ANKRD6: variants seen among roughly 807,000 people sequenced by gnomAD.
The protein encoded by ANKRD6 is ankyrin repeat domain 6.
Under a neutral mutation model 82.3 loss-of-function variants are expected in ANKRD6, and 56 were observed. That is an observed-to-expected ratio of 0.68 (90% CI 0.55 to 0.85). The LOEUF is 0.85. ANKRD6 is among the 40% of genes least tolerant of loss of function. ANKRD6 has a pLI of 0.00. For missense variants in ANKRD6, 852 were observed against 907.6 expected, an observed-to-expected ratio of 0.94 and a Z score of 0.79; for synonymous variants, 347 against 352.1, an observed-to-expected ratio of 0.99 and a Z score of 0.16.
intron 1 of ANKRD6, among the ~76,000 whole-genome samples, chr6:89,466,450 T>A (rs1244475974): frequency 6.6e-6 from 1 of 152,238 alleles, no homozygotes; most frequent in Non-Finnish European, 1.5e-5. Flanking sequence ...GAGAATTTGT[T>A]GTCTTGCCTT....
intron 13 of ANKRD6, among the ~76,000 whole-genome samples, chr6:89,625,283 GAA>G (rs879660007): frequency 7.1e-6 from 1 of 140,688 alleles, no homozygotes. Flanking sequence ...ACTCTGTCTA[GAA>G]AAAAAAAAAA....
At chr6:89,482,002 A>C (rs1028864478) in intron 1 of ANKRD6, among the ~76,000 whole-genome samples, 10 of 152,190 alleles carry the variant, frequency 6.6e-5, no homozygotes, top group African/African-American at 2.2e-4. Context: ...TCCAGGAGGA[A>C]AGATTTTTAC....
chr6:89,518,615 C>T (rs568632884), intron 1 of ANKRD6, among the ~76,000 whole-genome samples: 1 of 151,680 alleles, frequency 6.6e-6, no homozygotes, highest in African/African-American at 2.4e-5. Context: ...GCAGACAGAT[C>T]AGCTCACACA....
chr6:89,511,749 C>G (rs1035617751), intron 1 of ANKRD6, among the ~76,000 whole-genome samples: 3 of 152,064 alleles, frequency 2.0e-5, no homozygotes, highest in African/African-American at 7.2e-5. Context: ...TCACTATTCC[C>G]TAGGGAACAA....
intron 1 of ANKRD6, among the ~76,000 whole-genome samples, chr6:89,469,116 T>G (rs939413634): frequency 1.3e-5 from 2 of 152,226 alleles, no homozygotes; most frequent in African/African-American, 4.8e-5. Flanking sequence ...TATAAAAATG[T>G]GGTAGTTGAG....
At position 89,625,888 on chromosome 6, in the gene ANKRD6, A is replaced by G. The variant is rs917903641; in HGVS notation, c.1371+1197A>G. 3.3e-5 allele frequency among the ~76,000 whole-genome samples: 5 copies of G among 152,116 alleles called. No homozygotes were observed. The East Asian group carries it at 5.8e-4, about 18-fold the overall frequency. ...AGCTGGGACTAAGGCGGACGCCACC[A>G]TGCCCACCTAATTTTTGTATTTTTT... On this transcript the variant is annotated intron_variant, in intron 13 of 15. Transcript: ENST00000339746.
chr6:89,593,241 C>T (rs1795242082), intron 2 of ANKRD6, among the ~76,000 whole-genome samples: 2 of 152,182 alleles, frequency 1.3e-5, no homozygotes, highest in Non-Finnish European at 2.9e-5. Flanking sequence ...ATGAACTCCC[C>T]TGTGTTTCAG....
rs573725061 is a variant in ANKRD6 at position 89,561,871 on chromosome 6, G to A, written c.-143-4963G>A. On this transcript the variant is annotated intron_variant, in intron 1 of 15. Coordinates refer to ENST00000339746, the MANE Select transcript of ANKRD6 (RefSeq NM_001242809.2). The stretch of plus-strand genomic sequence containing the variant: ...AGTCTCCAGCTATTCTCCTGCCCTT[G>A]GTGTAAGGCAAATGATGACCAAAGC... Among the ~76,000 whole-genome samples the A allele has an allele frequency of 3.7e-4, 57 of 152,262 alleles. No homozygotes were observed. The South Asian group carries it at 0.011, about 30-fold the overall frequency.
chr6:89,462,539 A>C (rs1324567040), intron 1 of ANKRD6, among the ~76,000 whole-genome samples: 1 of 152,124 alleles, frequency 6.6e-6, no homozygotes, highest in East Asian at 1.9e-4. Context: ...CACATATAGG[A>C]CATATATAGG....
chr6:89,618,468 C>G (rs765645198), intron 9 of ANKRD6: 1 of 455,882 alleles, frequency 2.2e-6, no homozygotes, highest in African/African-American at 2.0e-5. Flanking sequence ...GGCAGATAGT[C>G]GCCTGCCGGA....
At chr6:89,542,504 A>AC (rs936844269) in intron 1 of ANKRD6, among the ~76,000 whole-genome samples, 1 of 151,656 alleles carries the variant, frequency 6.6e-6, no homozygotes, top group East Asian at 1.9e-4. Context: ...CTCTTTGACC[A>AC]CCCCCCCGCT....
intron 1 of ANKRD6, chr6:89,561,379 G>A (rs1787390447): frequency 6.6e-6 from 1 of 152,200 alleles, no homozygotes; most frequent in Non-Finnish European, 1.5e-5. Context: ...AGCAGAGCGT[G>A]TCCACCCTGT....
At chr6:89,507,943 T>C (rs1182903054) in intron 1 of ANKRD6, among the ~76,000 whole-genome samples, 2 of 152,234 alleles carry the variant, frequency 1.3e-5, no homozygotes, top group African/African-American at 2.4e-5. Context: ...TTTTATATTA[T>C]GCAGCCTACA....
At chr6:89,598,417 G>A in intron 3 of ANKRD6, 1 of 985,342 alleles carries the variant, frequency 1.0e-6, no homozygotes. Context: ...TAGAAGATCA[G>A]AGAGAGAAAA....
chr6:89,477,232 C>A (rs1776157227), intron 1 of ANKRD6, among the ~76,000 whole-genome samples: 1 of 152,128 alleles, frequency 6.6e-6, no homozygotes, highest in South Asian at 2.1e-4. Context: ...GCGTGAGCCA[C>A]CGTGCCCAGC....
intron 1 of ANKRD6, among the ~76,000 whole-genome samples, chr6:89,513,689 A>G (rs1020126112): frequency 6.6e-5 from 10 of 152,248 alleles, no homozygotes; most frequent in African/African-American, 2.4e-4. Flanking sequence ...CTGTTAAATT[A>G]CCAAACAATA....
intron 1 of ANKRD6, among the ~76,000 whole-genome samples, chr6:89,453,468 A>G (rs1485135998): frequency 6.6e-6 from 1 of 152,146 alleles, no homozygotes; most frequent in African/African-American, 2.4e-5. Flanking sequence ...ATAACTTATG[A>G]TATACAACAA....
Position 89,631,169 on chromosome 6 carries a change from A to G in ANKRD6, c.*165A>G. The G allele has an allele frequency of 1.6e-6, 2 of 1,258,578 alleles. No individual in the cohort carries two copies. Among genetic ancestry groups the G allele is most frequent in the Non-Finnish European group, 2.1e-6 (2 of 970,612 alleles). The allele number at this position is 1,258,578 out of a possible 1,614,324, so 78.0% of individuals were successfully genotyped here. ...AGATACATGTTTCCTATGCCCAGGA[A>G]GTTATGAAGACTTCAACAATTAAAC... On this transcript the variant is annotated 3_prime_UTR_variant, in exon 16 of 16. Coordinates refer to ENST00000339746, the MANE Select transcript of ANKRD6 (RefSeq NM_001242809.2).
At position 89,608,354 on chromosome 6, in the gene ANKRD6, T is replaced by TACACACACACACACACACAC. The variant is rs540574068; in HGVS notation, c.417+2263_417+2264insACACACACACACACACACAC. 6.5e-3 allele frequency among the ~76,000 whole-genome samples: 884 copies of TACACACACACACACACACAC among 136,560 alleles called. 8 individuals carry two copies. The highest frequency in any genetic ancestry group is 0.012 in the South Asian group (47 of 3,856). The allele number at this position is 136,560 out of a possible 152,430, so 89.6% of individuals were successfully genotyped here. ...GGGCAGCAGTAAGTACCCTCCCTAA[T>TACACACACACACACACACAC]ACACACACACACACTATATATATAT... On this transcript the variant is annotated intron_variant, in intron 5 of 15. Coordinates refer to ENST00000339746, the MANE Select transcript of ANKRD6 (RefSeq NM_001242809.2).
Sources: allele counts gnomAD v4.1 joint callset (sites outside exome capture counted in the v4.1 genomes callset), GRCh38; gene constraint gnomAD v4.1.1; transcripts MANE v1.5; gene names NCBI Gene and HGNC (gene_info 2026-07-23, HGNC 2026-07-21).